Variants in LGSN observed in about 807,000 individuals in gnomAD.
LGSN encodes the protein lengsin, lens protein with glutamine synthetase domain.
A neutral mutation model predicts 19.5 loss-of-function variants in LGSN; 21 were observed. The ratio of observed to expected loss-of-function variants is 1.07; its 90% CI spans 0.76 to 1.55. The LOEUF (loss-of-function observed/expected upper bound fraction) is 1.55, where lower values mean the gene tolerates loss of function less well. Among genes scored for constraint, LGSN ranks in the 40% most tolerant of loss-of-function variants. The probability of loss-of-function intolerance (pLI) is 0.00; values close to 1 mark genes in which losing one functional copy is unlikely to be tolerated. For missense variants in LGSN, 673 were observed against 608.5 expected (o/e 1.11, Z -1.12); for synonymous variants, 257 against 215.6 (o/e 1.19, Z -1.68).
chr6:63,563,833 T>C, the LGSN span, among the ~76,000 whole-genome samples: 3 of 152,138 alleles, frequency 2.0e-5, no homozygotes, highest in Non-Finnish European at 4.4e-5. Context: ...ATTGAGAGAC[T>C]AAGAACCCTG....
the LGSN span, chr6:63,573,535 G>C: frequency 6.6e-6 from 1 of 152,260 alleles, no homozygotes; most frequent in Non-Finnish European, 1.5e-5. Flanking sequence ...GGCGCACACA[G>C]CCGCGTGCGC....
the LGSN span, among the ~76,000 whole-genome samples, chr6:63,487,752 G>A: frequency 2.3e-4 from 35 of 152,144 alleles, no homozygotes; most frequent in African/African-American, 8.5e-4. Context: ...AGGCCGAGGT[G>A]GGCGGATCAC....
chr6:63,503,980 CAAT>C, the LGSN span, among the ~76,000 whole-genome samples: 1 of 151,980 alleles, frequency 6.6e-6, no homozygotes, highest in Non-Finnish European at 1.5e-5. Context: ...ATAGTAACAA[CAAT>C]AATAATAAAA....
the LGSN span, among the ~76,000 whole-genome samples, chr6:63,440,533 CCAAA>C: frequency 4.6e-5 from 7 of 152,298 alleles, no homozygotes; most frequent in East Asian, 5.8e-4. Context: ...TTCCCCAGTA[CCAAA>C]CAATTTCCTT....
At chr6:63,573,587 G>T in the LGSN span, 1 of 152,298 alleles carries the variant, frequency 6.6e-6, no homozygotes, top group Non-Finnish European at 1.5e-5. Flanking sequence ...CTGCACCCCT[G>T]CCCGGGCCAG....
chr6:63,546,558 T>C, the LGSN span, among the ~76,000 whole-genome samples: 3 of 152,112 alleles, frequency 2.0e-5, no homozygotes, highest in Admixed American at 6.5e-5. Flanking sequence ...ACATAAAAAT[T>C]AGCCGAGCAT....
chr6:63,311,076 C>A (rs1395960455), intron 1 of LGSN, among the ~76,000 whole-genome samples: 1 of 152,210 alleles, frequency 6.6e-6, no homozygotes, highest in Non-Finnish European at 1.5e-5. Flanking sequence ...GACTGGACCA[C>A]TTCTACCTCT....
chr6:63,538,727 C>G, the LGSN span, among the ~76,000 whole-genome samples: 1 of 152,160 alleles, frequency 6.6e-6, no homozygotes, highest in Non-Finnish European at 1.5e-5. Flanking sequence ...GTCCCAGAAT[C>G]ACATGGAAGG....
chr6:63,367,128 G>A, the LGSN span, among the ~76,000 whole-genome samples: 31 of 152,124 alleles, frequency 2.0e-4, no homozygotes, highest in African/African-American at 7.2e-4. Context: ...CACAGCAAAA[G>A]AAACTACCAT....
chr6:63,328,098 G>A, the LGSN span, among the ~76,000 whole-genome samples: 6 of 152,290 alleles, frequency 3.9e-5, no homozygotes, highest in South Asian at 2.1e-4. Flanking sequence ...TCTAAGGCTC[G>A]GGTAAGTGCC....
upstream of LGSN, chr6:63,320,003 A>C: frequency 8.4e-7 from 1 of 1,192,024 alleles, no homozygotes; most frequent in Non-Finnish European, 1.3e-6. Flanking sequence ...TGCATTCAAC[A>C]TGTATTTATA....
At chr6:63,349,775 T>C in the LGSN span, among the ~76,000 whole-genome samples, 4 of 152,322 alleles carry the variant, frequency 2.6e-5, no homozygotes, top group East Asian at 7.7e-4. Flanking sequence ...ATAGCACAGC[T>C]TCTGTAGATG....
the LGSN span, among the ~76,000 whole-genome samples, chr6:63,565,614 C>G: frequency 5.3e-3 from 811 of 152,242 alleles, 3 homozygotes; most frequent in Middle Eastern, 0.01. Flanking sequence ...GTGACTGTTT[C>G]TATATGTCTG....
chr6:63,313,774 T>C (rs1288677973), intron 1 of LGSN, among the ~76,000 whole-genome samples: 1 of 152,076 alleles, frequency 6.6e-6, no homozygotes, highest in Non-Finnish European at 1.5e-5. Flanking sequence ...AGGTGGAGGT[T>C]GCAGTGAGCC....
At chr6:63,455,524 G>T in the LGSN span, among the ~76,000 whole-genome samples, 1 of 152,140 alleles carries the variant, frequency 6.6e-6, no homozygotes, top group African/African-American at 2.4e-5. Context: ...GGAGGCCGAG[G>T]CGGATGGATC....
chr6:63,413,137 T>C, the LGSN span, among the ~76,000 whole-genome samples: 2 of 151,826 alleles, frequency 1.3e-5, no homozygotes, highest in Non-Finnish European at 2.9e-5. Flanking sequence ...TGAACACTCA[T>C]ATTAATAAAA....
chr6:63,508,859 C>A, the LGSN span, among the ~76,000 whole-genome samples: 32 of 145,498 alleles, frequency 2.2e-4, no homozygotes, highest in Non-Finnish European at 4.6e-4. Flanking sequence ...GTGGAGGTTG[C>A]AGTGAGCCGA....
chr6:63,412,563 AAAGAAAGGAAGG>A, the LGSN span, among the ~76,000 whole-genome samples: 126 of 136,338 alleles, frequency 9.2e-4, 3 homozygotes, highest in African/African-American at 2.6e-3. Context: ...AGAAAGAAAG[AAAGAAAGGAAGG>A]AAGGAAAGAA....
At chr6:63,474,016 T>C in the LGSN span, among the ~76,000 whole-genome samples, 1 of 151,606 alleles carries the variant, frequency 6.6e-6, no homozygotes, top group Non-Finnish European at 1.5e-5. Flanking sequence ...ATAAATTGAC[T>C]TGGTTGCCAA....
Sources: allele counts gnomAD v4.1 joint callset (sites outside exome capture counted in the v4.1 genomes callset), GRCh38; gene constraint gnomAD v4.1.1; transcripts MANE v1.5; gene names NCBI Gene and HGNC (gene_info 2026-07-23, HGNC 2026-07-21).